ELOVL7: variants seen among roughly 807,000 people sequenced by gnomAD.
ELOVL7 encodes ELOVL fatty acid elongase 7.
ELOVL7 carries 27 observed loss-of-function variants against 35.7 expected under a neutral mutation model. The ratio of observed to expected loss-of-function variants is 0.76; its 90% CI spans 0.56 to 1.04. ELOVL7 has a LOEUF of 1.04. Among genes scored for constraint, ELOVL7 ranks in the 50% least tolerant of loss-of-function variants. ELOVL7 has a pLI of 0.00. For synonymous variants in ELOVL7, 113 were observed against 114.6 expected, an observed-to-expected ratio of 0.99 and a Z score of 0.09; for missense variants, 327 against 340.8, an observed-to-expected ratio of 0.96 and a Z score of 0.32.
intron 2 of ELOVL7, among the ~76,000 whole-genome samples, chr5:60,797,189 C>T (rs1183966648): frequency 2.6e-5 from 4 of 152,196 alleles, no homozygotes; most frequent in African/African-American, 7.2e-5. Context: ...ATAACACATA[C>T]GCATGTGTGT....
At chr5:60,775,765 T>C (rs1742866366) in intron 3 of ELOVL7, among the ~76,000 whole-genome samples, 1 of 152,284 alleles carries the variant, frequency 6.6e-6, no homozygotes, top group Admixed American at 6.5e-5. Context: ...CTAGGAAAAC[T>C]GGCTAATCAT....
chr5:60,828,660 C>G (rs1213438650), intron 1 of ELOVL7, among the ~76,000 whole-genome samples: 1 of 151,960 alleles, frequency 6.6e-6, no homozygotes. Flanking sequence ...TGAATTTAAA[C>G]CATGAGAATA....
chr5:60,770,094 T>C (rs935355196), intron 4 of ELOVL7, among the ~76,000 whole-genome samples: 1 of 150,516 alleles, frequency 6.6e-6, no homozygotes, highest in African/African-American at 2.4e-5. Flanking sequence ...CAGAAAGTAA[T>C]AATTTATATT....
At chr5:60,765,063 G>C (rs56376821) in intron 6 of ELOVL7, among the ~76,000 whole-genome samples, 1 of 152,110 alleles carries the variant, frequency 6.6e-6, no homozygotes, top group East Asian at 1.9e-4. Flanking sequence ...ATAGCACAAA[G>C]AAAAGTATTA....
intron 4 of ELOVL7, chr5:60,768,589 G>A: frequency 4.7e-6 from 2 of 423,444 alleles, no homozygotes; most frequent in South Asian, 3.4e-5. Flanking sequence ...TGACAAGAAA[G>A]AGCCTATTGT....
intron 1 of ELOVL7, among the ~76,000 whole-genome samples, chr5:60,832,787 G>A (rs1230483594): frequency 6.6e-6 from 1 of 152,182 alleles, no homozygotes; most frequent in African/African-American, 2.4e-5. Flanking sequence ...GTCACCTAAT[G>A]GGGATAAACT....
intron 1 of ELOVL7, among the ~76,000 whole-genome samples, chr5:60,841,719 G>A (rs909943240): frequency 3.3e-5 from 5 of 152,086 alleles, no homozygotes; most frequent in Non-Finnish European, 5.9e-5. Flanking sequence ...TTTTATGTAT[G>A]TGCTACGTTT....
intron 8 of ELOVL7, among the ~76,000 whole-genome samples, chr5:60,755,949 GTTTAT>G (rs1461224519): frequency 2.0e-5 from 3 of 152,200 alleles, no homozygotes; most frequent in East Asian, 1.9e-4. Context: ...TTTTCATATA[GTTTAT>G]TTTATTATCA....
At chr5:60,784,263 T>C (rs909535818) in intron 3 of ELOVL7, 32 of 632,124 alleles carry the variant, frequency 5.1e-5, no homozygotes, top group Non-Finnish European at 7.8e-5. Context: ...AGTATTAAAG[T>C]TTCAGAATGG....
At chr5:60,808,731 T>C (rs1209425218) in intron 1 of ELOVL7, among the ~76,000 whole-genome samples, 1 of 152,196 alleles carries the variant, frequency 6.6e-6, no homozygotes, top group Non-Finnish European at 1.5e-5. Context: ...AAATTTTCTT[T>C]GACTAATAAA....
chr5:60,790,362 A>T (rs1019646313), intron 2 of ELOVL7, among the ~76,000 whole-genome samples: 2 of 152,208 alleles, frequency 1.3e-5, no homozygotes, highest in Non-Finnish European at 2.9e-5. Context: ...TAGATATTTT[A>T]CCTATCTAAA....
At chr5:60,767,162 T>C (rs917378531) in intron 5 of ELOVL7, among the ~76,000 whole-genome samples, 3 of 152,192 alleles carry the variant, frequency 2.0e-5, no homozygotes, top group Non-Finnish European at 4.4e-5. Context: ...TGGTGCAATC[T>C]CGGTTCACTG....
intron 4 of ELOVL7, 69 bp downstream of exon 4, chr5:60,771,834 A>T: frequency 8.6e-7 from 1 of 1,163,452 alleles, no homozygotes. Flanking sequence ...TTATAACAGA[A>T]AACATAATGA....
intron 1 of ELOVL7, among the ~76,000 whole-genome samples, chr5:60,813,553 C>T (rs1286500274): frequency 3.3e-5 from 5 of 152,178 alleles, no homozygotes; most frequent in Admixed American, 6.5e-5. Context: ...ATGTAAAAAT[C>T]TCTATTTCCC....
intron 4 of ELOVL7, 88 bp from the exon 5 acceptor site, chr5:60,767,991 A>AT: frequency 1.0e-6 from 1 of 997,830 alleles, no homozygotes; most frequent in Non-Finnish European, 1.6e-6. Context: ...TCTTCATTAC[A>AT]TTTTCAGCTA....
chr5:60,816,525 C>CA (rs757391970), intron 1 of ELOVL7, among the ~76,000 whole-genome samples: 1 of 152,126 alleles, frequency 6.6e-6, no homozygotes, highest in Non-Finnish European at 1.5e-5. Context: ...ACCTATACCC[C>CA]ACCACAACCC....
At chr5:60,792,322 C>A (rs1476416043) in intron 2 of ELOVL7, among the ~76,000 whole-genome samples, 3 of 152,088 alleles carry the variant, frequency 2.0e-5, no homozygotes, top group Admixed American at 2.0e-4. Flanking sequence ...AGGGATGGGA[C>A]ACAACAGAAA....
intron 1 of ELOVL7, among the ~76,000 whole-genome samples, chr5:60,818,213 G>A (rs938561789): frequency 4.0e-5 from 6 of 150,904 alleles, no homozygotes; most frequent in Non-Finnish European, 5.9e-5. Context: ...AGCTATTCTG[G>A]AGGCTGAGGC....
In ELOVL7 at chr5:60,775,916, T is replaced by C. The variant is rs530914677; in HGVS notation, c.65-3823A>G. Among the ~76,000 whole-genome samples the C allele has an allele frequency of 2.6e-5, 4 of 152,290 alleles. No individual in the cohort carries two copies. The South Asian group carries it at 8.3e-4, about 32-fold the overall frequency. On this transcript the variant is annotated intron_variant, in intron 3 of 8. Transcript: ENST00000508821. Reference sequence around the variant, plus strand: ...ACCTAGGAAACACTCTTCTGGACACTGGCCTTGGCAAAGGCTTTATGACCA... The same window carrying C: ...ACCTAGGAAACACTCTTCTGGACACCGGCCTTGGCAAAGGCTTTATGACCA...
Sources: allele counts gnomAD v4.1 joint callset (sites outside exome capture counted in the v4.1 genomes callset), GRCh38; gene constraint gnomAD v4.1.1; transcripts MANE v1.5; gene names NCBI Gene and HGNC (gene_info 2026-07-23, HGNC 2026-07-21).